The following SIN3B variants were observed in gnomAD, a reference collection of about 807,000 sequenced individuals.
SIN3B encodes the protein SIN3 transcription regulator family member B.
SIN3B carries 19 observed loss-of-function variants against 120.2 expected under a neutral mutation model. That is an observed-to-expected ratio of 0.16 (90% CI 0.11 to 0.23). The LOEUF is 0.23. SIN3B is among the 10% of genes least tolerant of loss of function. SIN3B has a pLI of 1.00. For missense variants in SIN3B, 1,073 were observed against 1,573.0 expected, an observed-to-expected ratio of 0.68 and a Z score of 5.38; for synonymous variants, 654 against 653.2, an observed-to-expected ratio of 1.00 and a Z score of -0.02.
Position 16,878,855 on chromosome 19 carries a change from C to T in SIN3B, c.*128C>T. 1.2e-6 allele frequency: 1 copy of T among 859,584 alleles called. No homozygotes were observed. Among genetic ancestry groups the T allele is most frequent in the Non-Finnish European group, 1.8e-6 (1 of 569,172 alleles). The allele number at this position is 859,584 out of a possible 1,614,324, so 53.2% of individuals were successfully genotyped here. On this transcript the variant is annotated 3_prime_UTR_variant, in exon 19 of 19. Coordinates refer to ENST00000248054, the MANE Select transcript of SIN3B (RefSeq NM_001297595.2). ...CCAGCCCCTCTGCTGCCGGACAGCG[C>T]ACTCCAGGGCAGGACGCCGCCCCCG... is the stretch of plus-strand genomic sequence containing the variant.
intron 3 of SIN3B, among the ~76,000 whole-genome samples, chr19:16,838,733 G>A (rs1313654781): frequency 2.0e-5 from 3 of 151,838 alleles, no homozygotes. Context: ...GTGCAGTGGC[G>A]GGGTCTCAGC....
intron 3 of SIN3B, among the ~76,000 whole-genome samples, chr19:16,837,875 G>A (rs1224140621): frequency 1.3e-5 from 2 of 152,064 alleles, no homozygotes; most frequent in African/African-American, 2.4e-5. Context: ...CAGGGCAGTT[G>A]GGGGGCTGCT....
At chr19:16,846,161 G>A (rs1971476153) in intron 4 of SIN3B, 1 of 152,210 alleles carries the variant, frequency 6.6e-6, no homozygotes, top group African/African-American at 2.4e-5. Context: ...GAACTGAGTG[G>A]CCTTTGCTTG....
At chr19:16,831,777 C>T (rs879140038) in intron 3 of SIN3B, 130 bp downstream of exon 3, 28 of 731,054 alleles carry the variant, frequency 3.8e-5, no homozygotes, top group Admixed American at 1.0e-4. Context: ...TCTAGACGTG[C>T]TCATTGCTTC....
intron 4 of SIN3B, among the ~76,000 whole-genome samples, chr19:16,846,100 T>C (rs1971475346): frequency 6.6e-6 from 1 of 152,248 alleles, no homozygotes; most frequent in Non-Finnish European, 1.5e-5. Context: ...CTTCACTCAG[T>C]GTGGTCGTTG....
chr19:16,835,203 G>A (rs1971332131), intron 3 of SIN3B, among the ~76,000 whole-genome samples: 1 of 147,262 alleles, frequency 6.8e-6, no homozygotes, highest in East Asian at 2.0e-4. Context: ...TGGGATTACA[G>A]GCATGAGCCA....
Position 16,876,361 on chromosome 19 carries a change from G to A in SIN3B, c.2767-125G>A. The A allele has an allele frequency of 7.2e-7, 1 of 1,383,148 alleles. No individual in the cohort carries two copies. Among genetic ancestry groups the A allele is most frequent in the Non-Finnish European group, 9.9e-7 (1 of 1,009,920 alleles). 85.7% of individuals were successfully genotyped at this position (1,383,148 alleles called of 1,614,324 possible). A position where few individuals can be genotyped will look rare whatever the true frequency, so the allele number is the denominator to read the frequency against. The stretch of plus-strand genomic sequence containing the variant: ...GCTGCAGAGCCCATGAGGTACCTTT[G>A]ACCTGCAGGAAGCATCAGGGCTTTG... On this transcript the variant is annotated intron_variant, in intron 15 of 18. Coordinates refer to ENST00000248054, the MANE Select transcript of SIN3B (RefSeq NM_001297595.2). This position sits in a 1 kb window ranked among gnomAD's most constrained non-coding sequence, Gnocchi z 7.1.
In SIN3B at chr19:16,833,280, A is replaced by C. The variant is rs1234812584; in HGVS notation, c.381+1633A>C. 2.0e-5 allele frequency among the ~76,000 whole-genome samples: 3 copies of C among 152,202 alleles called. No individual in the cohort carries two copies. In the East Asian group the frequency reaches 5.8e-4, roughly 29 times the overall value. The stretch of plus-strand genomic sequence containing the variant: ...CTCCGCAGTCAGTTGGAAAGAGAAC[A>C]GCGAAGGGTAATGTGGCAGTGCTTT... On this transcript the variant is annotated intron_variant, in intron 3 of 18. Coordinates refer to ENST00000248054, the MANE Select transcript of SIN3B (RefSeq NM_001297595.2).
chr19:16,866,323 G>A (rs1181604691), intron 11 of SIN3B, 50 bp from the exon 12 acceptor site: 2 of 1,560,968 alleles, frequency 1.3e-6, no homozygotes, highest in Admixed American at 3.8e-5. Flanking sequence ...GGATGCTTCA[G>A]GGAGGATGCC....
chr19:16,836,831 AG>A (rs749964706), intron 3 of SIN3B, among the ~76,000 whole-genome samples: 3 of 152,146 alleles, frequency 2.0e-5, no homozygotes, highest in Non-Finnish European at 2.9e-5. Context: ...ATTCAAAGGG[AG>A]CCCCCTGGCT....
chr19:16,860,447 G>C (rs1215316957), intron 8 of SIN3B, among the ~76,000 whole-genome samples: 5 of 152,110 alleles, frequency 3.3e-5, no homozygotes. Flanking sequence ...TCGGCTTGTG[G>C]GTTTTCCTTG....
intron 4 of SIN3B, among the ~76,000 whole-genome samples, chr19:16,845,367 G>T (rs548739447): frequency 4.6e-5 from 7 of 152,308 alleles, no homozygotes; most frequent in African/African-American, 1.7e-4. Context: ...CCGCCTCCTG[G>T]GCTCAAGCAA....
intron 14 of SIN3B, among the ~76,000 whole-genome samples, chr19:16,873,943 C>T (rs2144627756): frequency 6.6e-6 from 1 of 152,340 alleles, no homozygotes; most frequent in East Asian, 1.9e-4. Flanking sequence ...GTGCCAGGTA[C>T]TGTCTGAAAC....
chr19:16,878,402 G>A lies in SIN3B; in HGVS notation c.3162+12G>A, dbSNP rs774032382. Reference sequence around the variant, plus strand: ...GCCGGGCCAAGCAGGTGCCAGGGGAGGCCTGGGCTGCCCCGACATGCCCCT... The same window carrying A: ...GCCGGGCCAAGCAGGTGCCAGGGGAAGCCTGGGCTGCCCCGACATGCCCCT... On this transcript the variant is annotated intron_variant, in intron 18 of 18. Coordinates refer to ENST00000248054, the MANE Select transcript of SIN3B (RefSeq NM_001297595.2). The A allele has an allele frequency of 2.5e-6, 4 of 1,608,088 alleles. No homozygotes were observed. The highest frequency in any genetic ancestry group is 2.2e-5 in the South Asian group (2 of 90,210).
chr19:16,877,625 T>C lies in SIN3B; in HGVS notation c.2940T>C (p.Pro980=). The C allele has an allele frequency of 6.2e-7, 1 of 1,610,036 alleles. No homozygotes were observed. Among genetic ancestry groups the C allele is most frequent in the Non-Finnish European group, 8.5e-7 (1 of 1,178,272 alleles). Residue 980 remains proline, a synonymous_variant, in exon 17 of 19, where the codon CCT becomes CCC. Coordinates refer to ENST00000248054, the MANE Select transcript of SIN3B (RefSeq NM_001297595.2). ...SSPTEGFLLK[P]VFLQRNLKKF... ...CCACTGAGGGCTTCCTCCTGAAACC[T>C]GTGTTCCTGCAGAGGTAAGAGGCCC...
chr19:16,874,642 G>A (rs2051561706), intron 14 of SIN3B, among the ~76,000 whole-genome samples: 1 of 151,496 alleles, frequency 6.6e-6, no homozygotes, highest in Non-Finnish European at 1.5e-5. Context: ...GGTCTGGTCT[G>A]ATCTGATCTG....
chr19:16,877,717 G>A, intron 17 of SIN3B, 78 bp downstream of exon 17: 6 of 1,027,368 alleles, frequency 5.8e-6, no homozygotes, highest in Non-Finnish European at 7.4e-6. Context: ...GACGGGGGCT[G>A]GACCATGGCA....
At chr19:16,871,625 C>G (rs1303503025) in intron 14 of SIN3B, 57 of 498,202 alleles carry the variant, frequency 1.1e-4, no homozygotes, top group Admixed American at 8.1e-4. Flanking sequence ...TGTCTAGTTC[C>G]AGAACATTTC....
At chr19:16,871,163 A>C in intron 13 of SIN3B, 66 bp from the exon 14 acceptor site, 6 of 1,596,612 alleles carry the variant, frequency 3.8e-6, no homozygotes, top group African/African-American at 1.3e-5. Context: ...CTGTCATGCC[A>C]GAGTTTGGCC....
Sources: allele counts gnomAD v4.1 joint callset (sites outside exome capture counted in the v4.1 genomes callset), GRCh38; gene constraint gnomAD v4.1.1; non-coding constraint Gnocchi (gnomAD v3.1); transcripts MANE v1.5; gene names NCBI Gene and HGNC (gene_info 2026-07-23, HGNC 2026-07-21).